The following LRRC36 variants were observed in gnomAD, a reference collection of about 807,000 sequenced individuals.
LRRC36 encodes leucine-rich repeat-containing protein 36.
A neutral mutation model predicts 81.1 loss-of-function variants in LRRC36; 62 were observed. That is an observed-to-expected ratio of 0.76 (90% CI 0.62 to 0.94). The LOEUF (loss-of-function observed/expected upper bound fraction) is 0.94. Among genes scored for constraint, LRRC36 ranks in the 40% least tolerant of loss-of-function variants. The probability of loss-of-function intolerance (pLI) is 0.00; values close to 1 mark genes in which losing one functional copy is unlikely to be tolerated. For missense variants in LRRC36, 761 were observed against 881.7 expected (o/e 0.86, Z 1.73); for synonymous variants, 334 against 348.6 (o/e 0.96, Z 0.47).
At position 67,384,922 on chromosome 16, in the gene LRRC36, A is replaced by G; in HGVS notation, c.2098A>G (p.Lys700Glu). 6.2e-7 allele frequency: 1 copy of G among 1,614,222 alleles called. No individual in the cohort carries two copies. The highest frequency in any genetic ancestry group is 8.5e-7 in the Non-Finnish European group (1 of 1,180,054). Residue 700 changes from lysine (K) to glutamate (E), a missense_variant, in exon 14 of 14, where the codon AAA becomes GAA. Physicochemically the swap from Lys to Glu is moderately conservative, Grantham distance 56 (BLOSUM62 1). Around this residue, in one of 3 missense-constraint regions of LRRC36, gnomAD observed 359 missense variants for 388.4 expected, o/e 0.92. Transcript: ENST00000329956. ...YLLQQLNKEP[K>E]GYSGKALLPP... Reference sequence around the variant, plus strand: ...GCTGCAGCAGCTGAATAAGGAGCCAAAAGGTTATTCCGGGAAAGCGCTCCT... The same window carrying G: ...GCTGCAGCAGCTGAATAAGGAGCCAGAAGGTTATTCCGGGAAAGCGCTCCT...
intron 1 of LRRC36, among the ~76,000 whole-genome samples, chr16:67,334,738 C>T (rs2037675753): frequency 6.6e-6 from 1 of 152,136 alleles, no homozygotes; most frequent in Admixed American, 6.6e-5. Flanking sequence ...GTGAAATTCA[C>T]CCCCGATATT....
intron 5 of LRRC36, among the ~76,000 whole-genome samples, chr16:67,363,120 G>A (rs2039234914): frequency 6.6e-6 from 1 of 152,128 alleles, no homozygotes; most frequent in Admixed American, 6.6e-5. Context: ...AAGCAAGGCA[G>A]AAAAAGGCTA....
At chr16:67,346,954 C>T (rs981296519) in intron 3 of LRRC36, among the ~76,000 whole-genome samples, 1 of 152,018 alleles carries the variant, frequency 6.6e-6, no homozygotes, top group Admixed American at 6.6e-5. Flanking sequence ...GGCTCACTGC[C>T]GCCTGGACCT....
chr16:67,376,906 A>G (rs200534884), intron 11 of LRRC36, 34 bp downstream of exon 11: 3 of 1,575,664 alleles, frequency 1.9e-6, no homozygotes, highest in East Asian at 2.3e-5. Flanking sequence ...AGAAAAGGAC[A>G]GAGCAGCAGA....
intron 1 of LRRC36, among the ~76,000 whole-genome samples, chr16:67,341,459 C>T (rs771429911): frequency 9.9e-5 from 15 of 151,418 alleles, no homozygotes; most frequent in African/African-American, 2.7e-4. Context: ...TGAACAAGGT[C>T]GCAGATGTAG....
intron 1 of LRRC36, among the ~76,000 whole-genome samples, chr16:67,329,875 G>A (rs1033383132): frequency 3.9e-5 from 6 of 152,018 alleles, no homozygotes; most frequent in African/African-American, 7.3e-5. Flanking sequence ...CTGAGATCGC[G>A]TCACTGCACT....
At chr16:67,377,869 A>G (rs1461622435) in intron 11 of LRRC36, among the ~76,000 whole-genome samples, 6 of 146,140 alleles carry the variant, frequency 4.1e-5, no homozygotes, top group Admixed American at 2.0e-4. Context: ...TCTTGACTTC[A>G]TGATCCGCCT....
At chr16:67,361,974 T>A (rs1597473781) in intron 5 of LRRC36, among the ~76,000 whole-genome samples, 1 of 152,090 alleles carries the variant, frequency 6.6e-6, no homozygotes, top group East Asian at 1.9e-4. Context: ...CTCACGCGTG[T>A]AATCCCAACA....
intron 7 of LRRC36, among the ~76,000 whole-genome samples, chr16:67,366,189 G>C (rs940491719): frequency 1.3e-5 from 2 of 150,754 alleles, no homozygotes; most frequent in African/African-American, 2.4e-5. Context: ...TTCTCAATCT[G>C]TTGCCCAGGC....
At chr16:67,345,236 C>A (rs926312343) in intron 2 of LRRC36, among the ~76,000 whole-genome samples, 11 of 151,634 alleles carry the variant, frequency 7.3e-5, no homozygotes, top group Non-Finnish European at 1.6e-4. Flanking sequence ...ATCACTTGAG[C>A]CCAGGAAGTC....
chr16:67,383,477 TC>T (rs1200965716), intron 13 of LRRC36, among the ~76,000 whole-genome samples: 2 of 152,374 alleles, frequency 1.3e-5, no homozygotes, highest in Non-Finnish European at 2.9e-5. Flanking sequence ...TCCCACAGTT[TC>T]TGAGTCAGCA....
chr16:67,354,735 T>C (rs113424340), intron 5 of LRRC36, among the ~76,000 whole-genome samples: 2 of 152,320 alleles, frequency 1.3e-5, no homozygotes, highest in African/African-American at 2.4e-5. Flanking sequence ...TTTGTTACAA[T>C]TGGATAAACC....
At chr16:67,370,386 A>G (rs2039581344) in intron 8 of LRRC36, among the ~76,000 whole-genome samples, 1 of 152,172 alleles carries the variant, frequency 6.6e-6, no homozygotes, top group South Asian at 2.1e-4. Flanking sequence ...TCACACCTGT[A>G]ATCCCAGCAC....
intron 5 of LRRC36, among the ~76,000 whole-genome samples, chr16:67,357,639 G>C (rs1231403550): frequency 6.6e-6 from 1 of 152,200 alleles, no homozygotes; most frequent in Non-Finnish European, 1.5e-5. Flanking sequence ...GTCACGGGGA[G>C]TGAACTGTCC....
chr16:67,371,688 T>C (rs899747282), intron 9 of LRRC36: 1 of 213,506 alleles, frequency 4.7e-6, no homozygotes, highest in African/African-American at 2.3e-5. Context: ...CAGGCCAACA[T>C]GGCGAAACCC....
At chr16:67,354,967 T>C (rs1018491047) in intron 5 of LRRC36, among the ~76,000 whole-genome samples, 6 of 152,238 alleles carry the variant, frequency 3.9e-5, no homozygotes, top group African/African-American at 1.4e-4. Context: ...ACTGTCTCCA[T>C]AGTATTGCCT....
chr16:67,364,840 A>T (rs1367052319), intron 6 of LRRC36, among the ~76,000 whole-genome samples: 1 of 152,192 alleles, frequency 6.6e-6, no homozygotes, highest in Non-Finnish European at 1.5e-5. Flanking sequence ...GAATACTTTA[A>T]GATAATTTTT....
At chr16:67,355,244 G>C (rs543212713) in intron 5 of LRRC36, among the ~76,000 whole-genome samples, 1 of 152,116 alleles carries the variant, frequency 6.6e-6, no homozygotes, top group East Asian at 1.9e-4. Context: ...TTTTGTGTGG[G>C]CATAAGTTTT....
In LRRC36 at chr16:67,350,188, A is replaced by G; in HGVS notation, c.489-14A>G. 6.5e-7 allele frequency: 1 copy of G among 1,538,306 alleles called. No homozygotes were observed. The highest frequency in any genetic ancestry group is 1.2e-5 in the South Asian group (1 of 83,812). ...TTTTTTTTTGAGTTGTAAATAAATT[A>G]TTCTATGTGGCAGCTCTAGGGAGAA... On this transcript the variant is annotated splice_polypyrimidine_tract_variant and intron_variant, in intron 4 of 13. Transcript: ENST00000329956.
Sources: allele counts gnomAD v4.1 joint callset (sites outside exome capture counted in the v4.1 genomes callset), GRCh38; gene constraint gnomAD v4.1.1; regional missense constraint gnomAD v4.1.1; transcripts MANE v1.5; gene names NCBI Gene and HGNC (gene_info 2026-07-23, HGNC 2026-07-21).